FUT8: variants seen among roughly 807,000 people sequenced by gnomAD.
FUT8 encodes the protein fucosyltransferase 8, also known as alpha-(1,6)-fucosyltransferase.
Under a neutral mutation model 71.3 loss-of-function variants are expected in FUT8, and 29 were observed. The observed-to-expected ratio is 0.41, with a 90% CI of 0.30 to 0.55. The LOEUF (loss-of-function observed/expected upper bound fraction) is 0.55, where lower values mean the gene tolerates loss of function less well. Ranked by LOEUF, FUT8 falls within the 20% of genes least tolerant of loss-of-function variation. The pLI, the probability that FUT8 is intolerant of heterozygous loss-of-function variation, is 0.34. For synonymous variants in FUT8, 254 were observed against 239.3 expected (o/e 1.06, Z -0.57); for missense variants, 544 against 702.1 (o/e 0.77, Z 2.55).
intron 2 of FUT8, among the ~76,000 whole-genome samples, chr14:65,534,824 G>A (rs1284442392): frequency 6.7e-6 from 1 of 150,204 alleles, no homozygotes; most frequent in Admixed American, 6.6e-5. Flanking sequence ...TTCTTTATTA[G>A]TCTAGCTAGT....
Position 65,562,405 on chromosome 14 carries a change from C to T in FUT8, c.203+639C>T, listed in dbSNP as rs527976378. On this transcript the variant is annotated intron_variant, in intron 3 of 10. Coordinates refer to ENST00000673929, the MANE Select transcript of FUT8 (RefSeq NM_001371533.1). ...TCATTAAACAACTGGATCTGGAATG[C>T]GGAGAATGATTATCATTGCTATTTC... Among the ~76,000 whole-genome samples the T allele has an allele frequency of 9.9e-5, 15 of 152,054 alleles. No homozygotes were observed. The East Asian group carries it at 1.2e-3, about 12-fold the overall frequency.
chr14:65,539,281 G>A (rs1884535207), intron 2 of FUT8, among the ~76,000 whole-genome samples: 1 of 152,168 alleles, frequency 6.6e-6, no homozygotes. Flanking sequence ...CTTTGGTAGT[G>A]TGTTCCCTTG....
At chr14:65,555,435 T>C (rs879716879) in intron 2 of FUT8, among the ~76,000 whole-genome samples, 22 of 152,210 alleles carry the variant, frequency 1.4e-4, no homozygotes, top group Admixed American at 9.8e-4. Context: ...TCATGAGTTC[T>C]TACTATAACT....
At chr14:65,572,596 A>G (rs1886541734) in intron 3 of FUT8, among the ~76,000 whole-genome samples, 1 of 151,950 alleles carries the variant, frequency 6.6e-6, no homozygotes, top group Non-Finnish European at 1.5e-5. Context: ...CGTGTTTTGT[A>G]TATGGGTCCA....
At chr14:65,443,718 T>TA (rs11317208) in intron 1 of FUT8, among the ~76,000 whole-genome samples, 32 of 140,338 alleles carry the variant, frequency 2.3e-4, no homozygotes, top group East Asian at 4.1e-4. Context: ...GGACCTCTAA[T>TA]AAAAAAAAAA....
intron 3 of FUT8, among the ~76,000 whole-genome samples, chr14:65,595,602 CTTTTTTTTTTTTTT>C (rs34129010): frequency 1.2e-5 from 1 of 81,724 alleles, no homozygotes; most frequent in Non-Finnish European, 2.2e-5. Context: ...ACACCATTCT[CTTTTTTTTTTTTTT>C]TTTTTTTTTT....
intron 1 of FUT8, among the ~76,000 whole-genome samples, chr14:65,425,431 G>A (rs2065369339): frequency 6.8e-6 from 1 of 146,676 alleles, no homozygotes; most frequent in Admixed American, 6.8e-5. Flanking sequence ...CCCTCCCAAA[G>A]TGCTGGGATT....
intron 7 of FUT8, among the ~76,000 whole-genome samples, chr14:65,699,181 C>CAT (rs946027359): frequency 1.3e-5 from 2 of 150,282 alleles, no homozygotes; most frequent in African/African-American, 5.0e-5. Context: ...CACACACACA[C>CAT]ACACACACAC....
chr14:65,528,310 C>T (rs889794554), intron 2 of FUT8, among the ~76,000 whole-genome samples: 14 of 152,228 alleles, frequency 9.2e-5, no homozygotes, highest in Non-Finnish European at 1.9e-4. Flanking sequence ...GCTGTGCTAG[C>T]AATGAGCAAG....
chr14:65,530,801 C>T (rs1191409865), intron 2 of FUT8, among the ~76,000 whole-genome samples: 3 of 150,890 alleles, frequency 2.0e-5, no homozygotes, highest in Non-Finnish European at 4.4e-5. Flanking sequence ...CTTACGTTCT[C>T]TCTCTCGCTC....
chr14:65,699,798 C>G (rs1463916737), intron 7 of FUT8, among the ~76,000 whole-genome samples: 2 of 152,146 alleles, frequency 1.3e-5, no homozygotes, highest in African/African-American at 4.8e-5. Flanking sequence ...TAACACCATT[C>G]TCAAAGAATA....
chr14:65,365,663 A>T, the FUT8 span, among the ~76,000 whole-genome samples: 4 of 152,240 alleles, frequency 2.6e-5, no homozygotes, highest in East Asian at 7.7e-4. Flanking sequence ...GCGCCATGAC[A>T]GTTTACAAAT....
chr14:65,714,610 T>G (rs1894964568), intron 7 of FUT8, among the ~76,000 whole-genome samples: 1 of 152,024 alleles, frequency 6.6e-6, no homozygotes, highest in Admixed American at 6.5e-5. Context: ...TTTTTTCTAT[T>G]TCTATGAAAA....
At chr14:65,572,437 G>A (rs1254951408) in intron 3 of FUT8, among the ~76,000 whole-genome samples, 2 of 152,140 alleles carry the variant, frequency 1.3e-5, no homozygotes, top group Non-Finnish European at 2.9e-5. Context: ...TAAATAGCTT[G>A]CTGAAATGTA....
intron 7 of FUT8, among the ~76,000 whole-genome samples, chr14:65,672,306 T>C (rs1468838275): frequency 6.6e-6 from 1 of 152,208 alleles, no homozygotes; most frequent in Non-Finnish European, 1.5e-5. Context: ...ATGATCAATT[T>C]AGTTTTTTAC....
At chr14:65,385,896 A>G in the FUT8 span, among the ~76,000 whole-genome samples, 6 of 152,064 alleles carry the variant, frequency 3.9e-5, no homozygotes, top group Non-Finnish European at 7.4e-5. Flanking sequence ...TCATGCCTGT[A>G]ATCCCAGCAC....
chr14:65,650,714 A>C (rs913765985), intron 6 of FUT8, among the ~76,000 whole-genome samples: 2 of 149,924 alleles, frequency 1.3e-5, no homozygotes, highest in South Asian at 2.1e-4. Flanking sequence ...TTACAAAAAA[A>C]AAAAAAAAAA....
chr14:65,579,494 A>G (rs1382660467), intron 3 of FUT8, among the ~76,000 whole-genome samples: 1 of 152,168 alleles, frequency 6.6e-6, no homozygotes, highest in Non-Finnish European at 1.5e-5. Context: ...CCATAATGAT[A>G]GGTTAGTGTC....
upstream of FUT8, chr14:65,410,695 G>A (rs1361132488): frequency 6.6e-6 from 1 of 150,534 alleles, no homozygotes; most frequent in African/African-American, 2.4e-5. Flanking sequence ...CAAATGTAAA[G>A]CTTTGTACTT....
Sources: gnomAD v4.1 joint callset for allele counts (sites outside exome capture counted in the v4.1 genomes callset) on GRCh38, gnomAD v4.1.1 for gene constraint, MANE v1.5 for transcripts, NCBI Gene and HGNC (gene_info 2026-07-23, HGNC 2026-07-21) for gene names.